The following THOP1 variants were observed in gnomAD, a reference collection of about 807,000 sequenced individuals.
THOP1 encodes the protein thimet oligopeptidase.
In THOP1, 49 loss-of-function variants were observed where a neutral mutation model predicts 71.8. That is an observed-to-expected ratio of 0.68 (90% CI 0.54 to 0.87). The LOEUF (loss-of-function observed/expected upper bound fraction) is 0.87. THOP1 is among the 40% of genes least tolerant of loss of function. THOP1 has a pLI of 0.00. For synonymous variants in THOP1, 426 were observed against 421.5 expected (o/e 1.01, Z -0.13); for missense variants, 843 against 975.6 (o/e 0.86, Z 1.81).
intron 9 of THOP1, 65 bp downstream of exon 9, chr19:2,808,509 G>C: frequency 6.7e-7 from 1 of 1,484,478 alleles, no homozygotes; most frequent in Non-Finnish European, 9.0e-7. Context: ...TGGTCAGCGA[G>C]GCCCAAGCCT....
At position 2,790,623 on chromosome 19, in the gene THOP1, C is replaced by T. The variant is rs565932566; in HGVS notation, c.219C>T (p.Val73=). 2 of 1,563,766 alleles carry T rather than the reference C, an allele frequency of 1.3e-6. No homozygotes were observed. Among genetic ancestry groups the T allele is most frequent in the East Asian group, 2.3e-5 (1 of 44,224 alleles). Residue 73 remains valine (V), a synonymous_variant, in exon 2 of 13, where the codon GTC becomes GTT. Transcript: ENST00000307741. Reference sequence around the variant, plus strand: ...TCAAGGCGCTGGCCGATGTGGAGGTCACCTACACAGGTAAGTCCCAGGCAG... The same window carrying T: ...TCAAGGCGCTGGCCGATGTGGAGGTTACCTACACAGGTAAGTCCCAGGCAG... The part of the protein sequence containing the change: ...STLKALADVE[V]TYTVQRNILD...
intron 2 of THOP1, among the ~76,000 whole-genome samples, chr19:2,791,570 T>C (rs1181590951): frequency 6.6e-6 from 1 of 152,082 alleles, no homozygotes; most frequent in Non-Finnish European, 1.5e-5. Flanking sequence ...CTCTTCCCAC[T>C]CCCTCTGGCT....
chr19:2,785,801 G>A (rs1445506859), intron 1 of THOP1, 123 bp downstream of exon 1: 16 of 944,860 alleles, frequency 1.7e-5, no homozygotes, highest in East Asian at 3.3e-5. Flanking sequence ...GGGCTGGAGG[G>A]GCAGCGGGGG....
At chr19:2,797,797 C>A (rs780678938) in intron 4 of THOP1, among the ~76,000 whole-genome samples, 4 of 152,206 alleles carry the variant, frequency 2.6e-5, no homozygotes, top group Non-Finnish European at 5.9e-5. Flanking sequence ...CAGGCTGCAG[C>A]CATAGCCCCA....
At position 2,799,696 on chromosome 19, in the gene THOP1, A is replaced by G. The variant is rs1345295882; in HGVS notation, c.494A>G (p.Lys165Arg). The change falls in exon 5 of 13, where the codon AAA becomes AGA. Residue 165 changes from lysine (K) to arginine (R), a missense_variant. Coordinates refer to ENST00000307741, the MANE Select transcript of THOP1 (RefSeq NM_003249.5). Reference sequence around the variant, plus strand: ...CCCCGCCTTTCTCTCCAGAACATCAAACGCATCAAGAAGAAGCTGAGCCTT... The same window carrying G: ...CCCCGCCTTTCTCTCCAGAACATCAGACGCATCAAGAAGAAGCTGAGCCTT... The part of the protein sequence containing the change: ...HLPRETQENI[K>R]RIKKKLSLLC... 2 of 1,613,720 alleles carry G rather than the reference A, an allele frequency of 1.2e-6. No individual in the cohort carries two copies. Among genetic ancestry groups the G allele is most frequent in the Non-Finnish European group, 8.5e-7 (1 of 1,179,838 alleles).
At chr19:2,812,494 C>A (rs73920875) in intron 12 of THOP1, 36 of 1,195,806 alleles carry the variant, frequency 3.0e-5, no homozygotes, top group African/African-American at 7.9e-5. Context: ...GGACCTCCCC[C>A]CTCCTGAGGC....
rs535598301 is a variant in THOP1 at position 2,794,950 on chromosome 19, A to G, written c.378+38A>G. ...TGCGGGGAGTGCAAATAGCCTCCCA[A>G]GTAACTAGGATTACAGGCGCCCGCC... is the stretch of plus-strand genomic sequence containing the variant. On this transcript the variant is annotated intron_variant, in intron 3 of 12. Coordinates refer to ENST00000307741, the MANE Select transcript of THOP1 (RefSeq NM_003249.5). 71 of 1,587,950 alleles carry G rather than the reference A, an allele frequency of 4.5e-5. No individual in the cohort carries two copies. Among genetic ancestry groups the G allele is most frequent in the East Asian group, 3.4e-4 (15 of 44,126 alleles).
Position 2,796,147 on chromosome 19 carries a change from G to A in THOP1, c.445G>A (p.Gly149Ser). The A allele has an allele frequency of 6.2e-7, 1 of 1,613,820 alleles. No individual in the cohort carries two copies. Among genetic ancestry groups the A allele is most frequent in the African/African-American group, 1.3e-5 (1 of 75,060 alleles). ...GTACCTGGAGCGGCTAATCAAGCTG[G>A]GCCGGAGAAATGGGCTTCACCTCCC... The part of the protein sequence containing the change: ...ARYLERLIKL[G>S]RRNGLHLPRE... The change falls in exon 4 of 13, where the codon GGC becomes AGC. Residue 149 changes from glycine (G) to serine (S), a missense_variant. Gly to Ser is a moderately conservative substitution (Grantham distance 56, BLOSUM62 0). Coordinates refer to ENST00000307741, the MANE Select transcript of THOP1 (RefSeq NM_003249.5).
At chr19:2,791,356 G>C (rs1402805894) in intron 2 of THOP1, among the ~76,000 whole-genome samples, 1 of 152,200 alleles carries the variant, frequency 6.6e-6, no homozygotes, top group Admixed American at 6.5e-5. Flanking sequence ...AGGCCTTTTT[G>C]CTGGGAACCA....
chr19:2,785,675 G>A lies in THOP1; in HGVS notation c.13G>A (p.Ala5Thr), dbSNP rs1308533153. The change falls in exon 1 of 13, where the codon GCA (alanine) becomes ACA (threonine). Residue 5 changes from alanine to threonine, a missense_variant. Physicochemically the swap from Ala to Thr is moderately conservative, Grantham distance 58. Coordinates refer to ENST00000307741, the MANE Select transcript of THOP1 (RefSeq NM_003249.5). ...AGACCCACCCGCCATGAAGCCCCCC[G>A]CAGGTACCGACTACCCCGCTCGCCG... MKPPAACAGDMADAA... is the reference protein window; with the variant it reads MKPPTACAGDMADAA... The A allele has an allele frequency of 1.3e-6, 2 of 1,492,504 alleles. No individual in the cohort carries two copies. The highest frequency in any genetic ancestry group is 2.2e-5 in the Admixed American group (1 of 44,600). 92.5% of individuals were successfully genotyped at this position (1,492,504 alleles called of 1,614,324 possible).
chr19:2,798,527 G>C (rs1427746215), intron 4 of THOP1, among the ~76,000 whole-genome samples: 1 of 152,250 alleles, frequency 6.6e-6, no homozygotes, highest in African/African-American at 2.4e-5. Flanking sequence ...GCGGCCCTTA[G>C]GGCCAGCGCT....
chr19:2,799,371 T>G (rs1230283281), intron 4 of THOP1, among the ~76,000 whole-genome samples: 1 of 152,168 alleles, frequency 6.6e-6, no homozygotes, highest in Non-Finnish European at 1.5e-5. Flanking sequence ...AGGTGATTCC[T>G]TAATGGATAG....
At chr19:2,793,460 G>A (rs1035075284) in intron 2 of THOP1, among the ~76,000 whole-genome samples, 1 of 152,186 alleles carries the variant, frequency 6.6e-6, no homozygotes. Flanking sequence ...GGGAGGCCGA[G>A]GCAGATGGAT....
Position 2,790,674 on chromosome 19 carries a change from G to A in THOP1, c.229+41G>A, listed in dbSNP as rs367838021. 8.8e-5 allele frequency: 130 copies of A among 1,474,864 alleles called. No homozygotes were observed. The Middle Eastern group carries it at 1.1e-3, about 13-fold the overall frequency. The allele number at this position is 1,474,864 out of a possible 1,614,324, so 91.4% of individuals were successfully genotyped here. On this transcript the variant is annotated intron_variant, in intron 2 of 12. Coordinates refer to ENST00000307741, the MANE Select transcript of THOP1 (RefSeq NM_003249.5). ...GGTCTGTGCGTGGGCCGCAGGTGCCGAGGGAGGTGGCACCGCAGGCGGGAG... is the reference window on the plus strand; with the variant it reads ...GGTCTGTGCGTGGGCCGCAGGTGCCAAGGGAGGTGGCACCGCAGGCGGGAG...
chr19:2,811,815 G>A (rs865793930), intron 12 of THOP1, 81 bp downstream of exon 12: 11 of 1,517,176 alleles, frequency 7.3e-6, no homozygotes, highest in East Asian at 2.5e-5. Context: ...CGTCCTGAAT[G>A]GCAAGGTACG....
In THOP1 at chr19:2,804,854, G is replaced by T. The variant is rs191565539; in HGVS notation, c.590-162G>T. 6.6e-6 allele frequency among the ~76,000 whole-genome samples: 1 copy of T among 152,234 alleles called. No individual in the cohort carries two copies. The highest frequency in any genetic ancestry group is 2.4e-5 in the African/African-American group (1 of 41,526). ...TATTTCTTGATGGGGTTAGATGGGG[G>T]ATGTAAGAATTGCAGCGGGTGGTGG... On this transcript the variant is annotated intron_variant, in intron 5 of 12. Coordinates refer to ENST00000307741, the MANE Select transcript of THOP1 (RefSeq NM_003249.5). The surrounding 1 kb of genome is among the most constrained non-coding windows in gnomAD (Gnocchi z 4.7).
chr19:2,810,754 T>A lies in THOP1; in HGVS notation c.1757T>A (p.Val586Asp). The A allele has an allele frequency of 6.2e-7, 1 of 1,602,136 alleles. No individual in the cohort carries two copies. Among genetic ancestry groups the A allele is most frequent in the Non-Finnish European group, 8.5e-7 (1 of 1,176,394 alleles). The change falls in exon 11 of 13, where the codon GTC becomes GAC. Residue 586 changes from valine to aspartate, a missense_variant. Coordinates refer to ENST00000307741, the MANE Select transcript of THOP1 (RefSeq NM_003249.5). ...CGGCTCTGCCAGGAGATCCTCGGGG[T>A]CCCGGCCACGCCAGGTAGCCACCCT... ...YARLCQEILGVPATPGTNMPA... is the reference protein window; with the variant it reads ...YARLCQEILGDPATPGTNMPA...
In THOP1 at chr19:2,808,712, AG is replaced by A. The variant is rs561154516; in HGVS notation, c.1455+271del. On this transcript the variant is annotated intron_variant, in intron 9 of 12. Coordinates refer to ENST00000307741, the MANE Select transcript of THOP1 (RefSeq NM_003249.5). The stretch of plus-strand genomic sequence containing the variant: ...TGGAGTCGGAGGTCACAGTGTCAGC[AG>A]GGTTGGCTCCCTCGAGGTCCCTCCT... Among the ~76,000 whole-genome samples, 23 of 152,312 alleles carry A rather than the reference AG, an allele frequency of 1.5e-4. No homozygotes were observed. The East Asian group carries it at 3.3e-3, about 22-fold the overall frequency.
At chr19:2,803,632 C>G (rs2144773857) in intron 5 of THOP1, among the ~76,000 whole-genome samples, 2 of 152,352 alleles carry the variant, frequency 1.3e-5, no homozygotes, top group Middle Eastern at 6.8e-3. Flanking sequence ...TGGAGAGCTG[C>G]TGTTTGAAGG....
Sources: allele counts gnomAD v4.1 joint callset (sites outside exome capture counted in the v4.1 genomes callset), GRCh38; gene constraint gnomAD v4.1.1; non-coding constraint Gnocchi (gnomAD v3.1); transcripts MANE v1.5; gene names NCBI Gene and HGNC (gene_info 2026-07-23, HGNC 2026-07-21).